Variants in NAV3 observed in about 807,000 individuals in gnomAD.
The protein encoded by NAV3 is neuron navigator 3, also known as pore membrane and/or filament interacting like protein 1.
Under a neutral mutation model 244.7 loss-of-function variants are expected in NAV3, and 87 were observed. The ratio of observed to expected loss-of-function variants is 0.36; its 90% confidence interval spans 0.30 to 0.42. NAV3 has a LOEUF of 0.42. Among genes scored for constraint, NAV3 ranks in the 20% least tolerant of loss-of-function variants. The pLI, the probability that NAV3 is intolerant of heterozygous loss-of-function variation, is 1.00. For synonymous variants in NAV3, 1,126 were observed against 1,042.2 expected (o/e 1.08, Z -1.55); for missense variants, 2,663 against 2,893.3 (o/e 0.92, Z 1.83).
intron 2 of NAV3, among the ~76,000 whole-genome samples, chr12:77,773,323 T>C (rs894809882): frequency 5.3e-5 from 8 of 152,078 alleles, no homozygotes; most frequent in East Asian, 1.9e-4. Context: ...GGACTGTTGG[T>C]ACTAAAATCT....
chr12:78,153,925 G>A (rs1017998948), intron 22 of NAV3, among the ~76,000 whole-genome samples: 1 of 150,886 alleles, frequency 6.6e-6, no homozygotes, highest in Non-Finnish European at 1.5e-5. Flanking sequence ...GAAAAGAAAT[G>A]TGAAACTTTA....
rs1872432722 is a variant in NAV3 at position 77,814,232 on chromosome 12, C to T, written c.73-126087C>T. 2.0e-5 allele frequency among the ~76,000 whole-genome samples: 3 copies of T among 151,900 alleles called. No individual in the cohort carries two copies. In the South Asian group the frequency reaches 6.2e-4, roughly 32 times the overall value. ...ATCATTGCCCAGGAAGACTCATGTC[C>T]CTTCGTATGTGGAGAAAAAAAAAAA... On this transcript the variant is annotated intron_variant, in intron 2 of 8. Coordinates refer to the NAV3 transcript ENST00000550042.
At chr12:77,579,437 C>T (rs1236496369) in intron 2 of NAV3, among the ~76,000 whole-genome samples, 2 of 152,184 alleles carry the variant, frequency 1.3e-5, no homozygotes, top group East Asian at 3.9e-4. Context: ...CTGGCAAGTC[C>T]AGTGCTGAGG....
intron 2 of NAV3, among the ~76,000 whole-genome samples, chr12:77,726,375 A>G (rs967380924): frequency 6.6e-6 from 1 of 151,884 alleles, no homozygotes; most frequent in African/African-American, 2.4e-5. Flanking sequence ...AAAAATATTT[A>G]TTGTATATCA....
rs533486209 is a variant in NAV3 at position 77,879,480 on chromosome 12, A to C, written c.243+47776A>C. ...CGCAGGAGTTCGAGACCAGCCTGGC[A>C]CATGGCCAACTTGGAGAAATCCTGT... On this transcript the variant is annotated intron_variant, in intron 1 of 39. Coordinates refer to ENST00000397909, the MANE Select transcript of NAV3 (RefSeq NM_001024383.2). Among the ~76,000 whole-genome samples the C allele has an allele frequency of 3.9e-5, 6 of 152,056 alleles. No homozygotes were observed. In the East Asian group the frequency reaches 1.2e-3, roughly 30 times the overall value.
At chr12:77,782,264 C>T (rs1278347597) in intron 2 of NAV3, among the ~76,000 whole-genome samples, 1 of 151,296 alleles carries the variant, frequency 6.6e-6, no homozygotes, top group Admixed American at 6.6e-5. Context: ...TCCAACTCCC[C>T]CTTGCCTCCC....
chr12:77,752,790 TTCC>T (rs1265422420), intron 2 of NAV3, among the ~76,000 whole-genome samples: 1 of 152,164 alleles, frequency 6.6e-6, no homozygotes, highest in South Asian at 2.1e-4. Context: ...CATGCTCCTC[TTCC>T]TCCTCCTCAT....
At chr12:77,809,464 C>A (rs1872174485) in intron 2 of NAV3, among the ~76,000 whole-genome samples, 1 of 152,322 alleles carries the variant, frequency 6.6e-6, no homozygotes, top group South Asian at 2.1e-4. Flanking sequence ...TGAGGTGACG[C>A]CCCACCCAGC....
chr12:77,743,326 T>C (rs182011781), intron 2 of NAV3, among the ~76,000 whole-genome samples: 11 of 151,878 alleles, frequency 7.2e-5, no homozygotes, highest in African/African-American at 2.7e-4. Flanking sequence ...TTCTGAGAAG[T>C]CAAAAGTTAT....
At chr12:77,873,976 C>G (rs769901306) in intron 1 of NAV3, among the ~76,000 whole-genome samples, 14 of 151,324 alleles carry the variant, frequency 9.3e-5, no homozygotes, top group Non-Finnish European at 1.8e-4. Context: ...GTTCTAGCTC[C>G]TGTCAGATCA....
intron 19 of NAV3, among the ~76,000 whole-genome samples, chr12:78,138,362 A>G (rs748232217): frequency 1.1e-4 from 17 of 152,030 alleles, no homozygotes; most frequent in South Asian, 2.1e-4. Flanking sequence ...ATTCTGTTCC[A>G]TGATCTTTTC....
At chr12:77,932,186 A>G (rs1262900299) in intron 1 of NAV3, among the ~76,000 whole-genome samples, 1 of 152,056 alleles carries the variant, frequency 6.6e-6, no homozygotes, top group African/African-American at 2.4e-5. Context: ...ATATAATTTT[A>G]CTTAATCCTT....
At chr12:78,008,497 T>C (rs1291634300) in intron 8 of NAV3, among the ~76,000 whole-genome samples, 1 of 152,228 alleles carries the variant, frequency 6.6e-6, no homozygotes, top group African/African-American at 2.4e-5. Flanking sequence ...TTTGTCCCTC[T>C]TTCGGGCAGG....
intron 7 of NAV3, among the ~76,000 whole-genome samples, chr12:77,999,653 T>C (rs74684666): frequency 0.037 from 5,670 of 152,094 alleles, 354 homozygotes; most frequent in African/African-American, 0.13. Context: ...AAATGGAAAA[T>C]GAAAAACAAA....
At chr12:77,628,833 G>A (rs1259746061) in intron 2 of NAV3, among the ~76,000 whole-genome samples, 1 of 149,458 alleles carries the variant, frequency 6.7e-6, no homozygotes, top group African/African-American at 2.5e-5. Context: ...CAAGGCAGCA[G>A]TGAGCCATGA....
chr12:77,612,163 G>A (rs894814658), intron 2 of NAV3, among the ~76,000 whole-genome samples: 2 of 151,528 alleles, frequency 1.3e-5, no homozygotes, highest in East Asian at 1.9e-4. Context: ...TGGCATAATT[G>A]TTGGATAAAT....
intron 8 of NAV3, among the ~76,000 whole-genome samples, chr12:78,014,395 A>G (rs1875826989): frequency 6.6e-6 from 1 of 152,172 alleles, no homozygotes; most frequent in African/African-American, 2.4e-5. Flanking sequence ...ATTCATAAGG[A>G]GAAAAGTATC....
intron 2 of NAV3, among the ~76,000 whole-genome samples, chr12:77,616,308 G>C (rs942764479): frequency 9.9e-5 from 15 of 152,062 alleles, no homozygotes; most frequent in African/African-American, 3.6e-4. Context: ...TCGGGAGGCT[G>C]AGGCAGAAGA....
intron 26 of NAV3, 79 bp from the exon 27 acceptor site, chr12:78,177,062 C>T (rs1958260956): frequency 2.0e-6 from 3 of 1,465,014 alleles, no homozygotes; most frequent in Admixed American, 1.7e-5. Flanking sequence ...GCTAGGATGG[C>T]ATCTGCAAAC....
Sources: allele counts gnomAD v4.1 joint callset (sites outside exome capture counted in the v4.1 genomes callset), GRCh38; gene constraint gnomAD v4.1.1; transcripts MANE v1.5; gene names NCBI Gene and HGNC (gene_info 2026-07-23, HGNC 2026-07-21).